The following DDX10 variants were observed in gnomAD, a reference collection of about 807,000 sequenced individuals.
DDX10 encodes the protein DEAD-box helicase 10, also known as probable ATP-dependent RNA helicase DDX10.
Under a neutral mutation model 104.3 loss-of-function variants are expected in DDX10, and 74 were observed. The ratio of observed to expected loss-of-function variants is 0.71; its 90% CI spans 0.59 to 0.86. The LOEUF (loss-of-function observed/expected upper bound fraction) is 0.86. DDX10 is among the 40% of genes least tolerant of loss of function. DDX10 has a pLI of 0.00. For synonymous variants in DDX10, 351 were observed against 353.4 expected (o/e 0.99, Z 0.08); for missense variants, 952 against 1,040.0 (o/e 0.92, Z 1.16).
chr11:108,670,907 AT>A (rs1332322802), intron 1 of DDX10, among the ~76,000 whole-genome samples: 3 of 151,840 alleles, frequency 2.0e-5, no homozygotes, highest in African/African-American at 7.3e-5. Flanking sequence ...TGCTTTTTTC[AT>A]CAGGCATTAT....
intron 13 of DDX10, among the ~76,000 whole-genome samples, chr11:108,728,502 T>TTTTTTTG: frequency 4.2e-5 from 3 of 72,144 alleles, no homozygotes; most frequent in African/African-American, 1.2e-4. Context: ...TACACATTTG[T>TTTTTTTG]TCTTTTTTTT....
intron 9 of DDX10, among the ~76,000 whole-genome samples, chr11:108,705,841 A>C (rs1207996784): frequency 2.6e-5 from 4 of 152,242 alleles, no homozygotes; most frequent in African/African-American, 9.6e-5. Context: ...CAAGAAGCTT[A>C]GTAACTACAG....
At chr11:108,758,262 A>T (rs946838961) in intron 13 of DDX10, among the ~76,000 whole-genome samples, 2 of 152,054 alleles carry the variant, frequency 1.3e-5, no homozygotes, top group Admixed American at 1.3e-4. Context: ...ACAAATGCTT[A>T]TATTATTTAT....
chr11:108,757,644 C>T (rs2094346027), intron 13 of DDX10, among the ~76,000 whole-genome samples: 1 of 151,956 alleles, frequency 6.6e-6, no homozygotes, highest in African/African-American at 2.4e-5. Flanking sequence ...GTGACTAGAC[C>T]CTTCGACTAC....
rs531807619 is a variant in DDX10, at chr11:108,687,254, T to C, written c.849-1682T>C. On this transcript the variant is annotated intron_variant, in intron 6 of 17. Transcript: ENST00000322536. ...CATCTAATAAGTGTGAAGTGACATA[T>C]CGTTATTTTAATTAACTTTTGCCTG... Among the ~76,000 whole-genome samples the C allele has an allele frequency of 7.9e-5, 12 of 152,336 alleles. No individual in the cohort carries two copies. In the South Asian group the frequency reaches 2.3e-3, roughly 29 times the overall value.
intron 16 of DDX10, among the ~76,000 whole-genome samples, chr11:108,866,301 G>C (rs1204279251): frequency 6.6e-6 from 1 of 152,150 alleles, no homozygotes; most frequent in Non-Finnish European, 1.5e-5. Context: ...ACTTGGACAG[G>C]AGTGCCAAAT....
At chr11:108,696,702 T>C (rs1222777779) in intron 9 of DDX10, among the ~76,000 whole-genome samples, 2 of 152,136 alleles carry the variant, frequency 1.3e-5, no homozygotes, top group African/African-American at 2.4e-5. Context: ...GTAGGCGCTT[T>C]TTATTTTTAT....
intron 13 of DDX10, among the ~76,000 whole-genome samples, chr11:108,775,249 TAATCTC>T (rs2094368435): frequency 6.6e-6 from 1 of 152,232 alleles, no homozygotes; most frequent in Non-Finnish European, 1.5e-5. Flanking sequence ...GAAAAAATGT[TAATCTC>T]AAATAGATTT....
chr11:108,917,721 T>C (rs367636441), intron 16 of DDX10, 152 bp from the exon 17 acceptor site: 17 of 674,962 alleles, frequency 2.5e-5, no homozygotes, highest in African/African-American at 8.9e-5. Flanking sequence ...CCAATGGTTG[T>C]GGTTCTGAAA....
chr11:108,773,025 T>G (rs1019723829), intron 13 of DDX10, among the ~76,000 whole-genome samples: 4 of 152,320 alleles, frequency 2.6e-5, no homozygotes, highest in African/African-American at 9.6e-5. Context: ...GAAAGGGTAT[T>G]TGAAGAACCT....
intron 13 of DDX10, among the ~76,000 whole-genome samples, chr11:108,793,655 TG>T (rs773616015): frequency 2.1e-4 from 32 of 151,988 alleles, no homozygotes; most frequent in Non-Finnish European, 4.6e-4. Context: ...CCTTGTATCT[TG>T]TGACCTATTT....
At chr11:108,764,563 G>T (rs1050378271) in intron 13 of DDX10, among the ~76,000 whole-genome samples, 2 of 152,118 alleles carry the variant, frequency 1.3e-5, no homozygotes, top group Admixed American at 1.3e-4. Flanking sequence ...CAGCTATTAG[G>T]GAGGTTGAGG....
chr11:108,820,382 G>A (rs1482137750), intron 13 of DDX10, among the ~76,000 whole-genome samples: 1 of 152,198 alleles, frequency 6.6e-6, no homozygotes, highest in Non-Finnish European at 1.5e-5. Flanking sequence ...GATCAGGTAG[G>A]GGAAGGAATT....
chr11:108,897,954 G>C (rs779873041), intron 16 of DDX10, among the ~76,000 whole-genome samples: 2 of 151,934 alleles, frequency 1.3e-5, no homozygotes, highest in Non-Finnish European at 2.9e-5. Flanking sequence ...TCTAGGTTTC[G>C]AATAAAATTT....
At position 108,794,239 on chromosome 11, in the gene DDX10, G is replaced by GT. The variant is rs1169412997; in HGVS notation, c.1966-44196dup. Among the ~76,000 whole-genome samples the GT allele has an allele frequency of 8.4e-3, 1,204 of 143,944 alleles. 9 individuals are homozygous for GT. The highest frequency in any genetic ancestry group is 0.023 in the African/African-American group (924 of 39,552). 94.4% of individuals were successfully genotyped at this position (143,944 alleles called of 152,430 possible). ...GGATCATATGGCAGTTCTATTTTTA[G>GT]TTTTTTTTTTTGAGAGATCTCCATA... On this transcript the variant is annotated intron_variant, in intron 13 of 17. Coordinates refer to ENST00000322536, the MANE Select transcript of DDX10 (RefSeq NM_004398.4).
At chr11:108,830,042 C>T (rs570538072) in intron 13 of DDX10, among the ~76,000 whole-genome samples, 3 of 152,278 alleles carry the variant, frequency 2.0e-5, no homozygotes, top group Non-Finnish European at 2.9e-5. Context: ...TCTGGCCACA[C>T]AGGATCGTTT....
At chr11:108,725,943 T>C (rs568705107) in intron 13 of DDX10, among the ~76,000 whole-genome samples, 1 of 152,146 alleles carries the variant, frequency 6.6e-6, no homozygotes. Context: ...CCTCTTCACC[T>C]TAATTTTTGT....
chr11:108,846,476 C>T (rs1862719592), intron 15 of DDX10, among the ~76,000 whole-genome samples: 1 of 152,190 alleles, frequency 6.6e-6, no homozygotes, highest in African/African-American at 2.4e-5. Flanking sequence ...CGCTCTACTT[C>T]TGTGAGCTCT....
At chr11:108,846,522 T>C (rs1461666902) in intron 15 of DDX10, among the ~76,000 whole-genome samples, 1 of 152,208 alleles carries the variant, frequency 6.6e-6, no homozygotes, top group Non-Finnish European at 1.5e-5. Context: ...ATTCCACAGA[T>C]AAGTGAGATT....
Sources: gnomAD v4.1 joint callset for allele counts (sites outside exome capture counted in the v4.1 genomes callset) on GRCh38, gnomAD v4.1.1 for gene constraint, MANE v1.5 for transcripts, NCBI Gene and HGNC (gene_info 2026-07-23, HGNC 2026-07-21) for gene names.